Variants in ANKRD17 observed in about 807,000 individuals in gnomAD.
ANKRD17 encodes the protein ankyrin repeat domain-containing protein 17.
Under a neutral mutation model 229.7 loss-of-function variants are expected in ANKRD17, and 19 were observed. The ratio of observed to expected loss-of-function variants is 0.08; its 90% CI spans 0.06 to 0.12. The LOEUF is 0.12. Among genes scored for constraint, ANKRD17 ranks in the 10% least tolerant of loss-of-function variants. The probability of loss-of-function intolerance (pLI) is 1.00; values close to 1 mark genes in which losing one functional copy is unlikely to be tolerated. For synonymous variants in ANKRD17, 1,112 were observed against 1,146.1 expected, an observed-to-expected ratio of 0.97 and a Z score of 0.60; for missense variants, 2,176 against 3,176.8, an observed-to-expected ratio of 0.68 and a Z score of 7.57.
At chr4:73,179,489 T>TGTATATATAC (rs1491483318) in intron 1 of ANKRD17, among the ~76,000 whole-genome samples, 1 of 43,232 alleles carries the variant, frequency 2.3e-5, no homozygotes, top group African/African-American at 9.0e-5. Context: ...TGTGTGTGTG[T>TGTATATATAC]ATATATATAT....
intron 1 of ANKRD17, among the ~76,000 whole-genome samples, chr4:73,191,339 A>ATGTGTGTG (rs1203366910): frequency 0.014 from 832 of 60,750 alleles, 4 homozygotes; most frequent in Middle Eastern, 0.023. Context: ...CAAAAAATAT[A>ATGTGTGTG]TATGTGTGTG....
intron 1 of ANKRD17, among the ~76,000 whole-genome samples, chr4:73,192,726 T>C (rs1737302839): frequency 6.6e-6 from 1 of 152,162 alleles, no homozygotes; most frequent in Non-Finnish European, 1.5e-5. Flanking sequence ...TTGAGATATA[T>C]AGGATTAACT....
In ANKRD17 at chr4:73,091,413, G is replaced by A. The variant is rs1020867953; in HGVS notation, c.6215C>T (p.Ala2072Val). ...ACCTGCTTCCTGTTCGGAGGAAGAT[G>A]CCACTTTATTTGGAGATGCTGATCC... ...DCGSASPNKV[A>V]SSSEQEAGSP... Residue 2072 changes from alanine to valine, a missense_variant, in exon 29 of 34, where the codon GCA becomes GTA. Physicochemically the swap from Ala to Val is moderately conservative, Grantham distance 64 (BLOSUM62 0). Transcript: ENST00000358602. 6.8e-6 allele frequency: 11 copies of A among 1,614,198 alleles called. No homozygotes were observed. The highest frequency in any genetic ancestry group is 9.3e-6 in the Non-Finnish European group (11 of 1,180,040).
At chr4:73,124,032 G>A (rs1026895602) in intron 18 of ANKRD17, among the ~76,000 whole-genome samples, 6 of 151,838 alleles carry the variant, frequency 4.0e-5, no homozygotes, top group Admixed American at 3.9e-4. Flanking sequence ...TCTGAAGATA[G>A]AAAAGGTTAA....
intron 16 of ANKRD17, among the ~76,000 whole-genome samples, chr4:73,129,090 G>A (rs1026449059): frequency 6.6e-6 from 1 of 152,086 alleles, no homozygotes; most frequent in Non-Finnish European, 1.5e-5. Flanking sequence ...CTAAGAGAAA[G>A]TCCCGAACCT....
At chr4:73,153,319 C>A (rs548883015) in intron 6 of ANKRD17, among the ~76,000 whole-genome samples, 2 of 151,884 alleles carry the variant, frequency 1.3e-5, no homozygotes, top group African/African-American at 4.8e-5. Flanking sequence ...TAAAAAACTT[C>A]CTTAATAAAA....
intron 18 of ANKRD17, among the ~76,000 whole-genome samples, chr4:73,123,992 A>G (rs1229350355): frequency 1.3e-5 from 2 of 152,066 alleles, no homozygotes; most frequent in Non-Finnish European, 2.9e-5. Flanking sequence ...TGTTTCACAC[A>G]AAGAATAGGT....
At chr4:73,223,021 C>T (rs1370999509) in intron 1 of ANKRD17, 1 of 1,536,150 alleles carries the variant, frequency 6.5e-7, no homozygotes, top group Non-Finnish European at 8.7e-7. Flanking sequence ...GCCGCTGTCT[C>T]CACCATGTTT....
chr4:73,105,306 C>CTG (rs932118703), intron 24 of ANKRD17, among the ~76,000 whole-genome samples: 3 of 151,050 alleles, frequency 2.0e-5, no homozygotes, highest in Non-Finnish European at 4.4e-5. Context: ...AAAGGTGTAA[C>CTG]TGTGTGTGTG....
At chr4:73,110,841 TTGATTAA>T (rs1320533517) in intron 24 of ANKRD17, among the ~76,000 whole-genome samples, 1 of 152,210 alleles carries the variant, frequency 6.6e-6, no homozygotes, top group Non-Finnish European at 1.5e-5. Flanking sequence ...TTAGATAGAA[TTGATTAA>T]TGATTAAGAA....
At chr4:73,203,834 A>C (rs2149119449) in intron 1 of ANKRD17, among the ~76,000 whole-genome samples, 1 of 152,024 alleles carries the variant, frequency 6.6e-6, no homozygotes, top group East Asian at 1.9e-4. Context: ...ATATAACCTT[A>C]CAAATCCAAT....
At position 73,155,695 on chromosome 4, in the gene ANKRD17, T is replaced by C. The variant is rs1578212822; in HGVS notation, c.936A>G (p.Gly312=). 1 of 1,614,138 alleles carries C rather than the reference T, an allele frequency of 6.2e-7. No homozygotes were observed. Among genetic ancestry groups the C allele is most frequent in the Non-Finnish European group, 8.5e-7 (1 of 1,180,018 alleles). Residue 312 remains glycine, a synonymous_variant, in exon 5 of 34, where the codon GGA becomes GGG. Coordinates refer to ENST00000358602, the MANE Select transcript of ANKRD17 (RefSeq NM_032217.5). ...GCAGCAACTTCACAATTTTGACATG[T>C]CCTCCATTAGCAGCAGCCATTAAAG... is the stretch of plus-strand genomic sequence containing the variant. ...ITPLMAAANG[G]HVKIVKLLLA...
At chr4:73,218,557 C>T (rs1052177084) in intron 1 of ANKRD17, among the ~76,000 whole-genome samples, 9 of 150,722 alleles carry the variant, frequency 6.0e-5, no homozygotes, top group Non-Finnish European at 1.2e-4. Context: ...ACAAGAGAAT[C>T]GCTTCAACCC....
chr4:73,146,952 A>G, intron 9 of ANKRD17, 79 bp from the exon 10 acceptor site: 1 of 1,184,856 alleles, frequency 8.4e-7, no homozygotes, highest in Non-Finnish European at 1.2e-6. Flanking sequence ...AACTTCTTCT[A>G]GATAAGTCAT....
intron 21 of ANKRD17, among the ~76,000 whole-genome samples, chr4:73,119,381 T>C (rs1214693343): frequency 6.6e-6 from 1 of 152,222 alleles, no homozygotes; most frequent in African/African-American, 2.4e-5. Context: ...CATATACAAT[T>C]TGACCATCCC....
chr4:73,180,955 A>G (rs1222294563), intron 1 of ANKRD17, among the ~76,000 whole-genome samples: 1 of 152,170 alleles, frequency 6.6e-6, no homozygotes, highest in Non-Finnish European at 1.5e-5. Context: ...TGGTTTAGTC[A>G]TGTACACCCA....
intron 28 of ANKRD17, among the ~76,000 whole-genome samples, chr4:73,092,777 TA>T (rs1722909439): frequency 6.6e-6 from 1 of 152,168 alleles, no homozygotes; most frequent in Non-Finnish European, 1.5e-5. Context: ...TATTTTATTT[TA>T]AATCTTGGTA....
intron 1 of ANKRD17, 49 bp downstream of exon 1, chr4:73,258,227 A>T: frequency 6.2e-7 from 1 of 1,611,718 alleles, no homozygotes; most frequent in Non-Finnish European, 8.5e-7. Context: ...TTCGGCCCCT[A>T]TCCCTTACAG....
At chr4:73,220,140 A>G (rs1282761515) in intron 1 of ANKRD17, among the ~76,000 whole-genome samples, 3 of 152,168 alleles carry the variant, frequency 2.0e-5, no homozygotes, top group Non-Finnish European at 4.4e-5. Context: ...AGTACAATCT[A>G]TTGTTACACA....
Sources: allele counts gnomAD v4.1 joint callset (sites outside exome capture counted in the v4.1 genomes callset), GRCh38; gene constraint gnomAD v4.1.1; transcripts MANE v1.5; gene names NCBI Gene and HGNC (gene_info 2026-07-23, HGNC 2026-07-21).